Variants in MAGI2 observed in about 807,000 individuals in gnomAD.
The protein encoded by MAGI2 is membrane associated guanylate kinase, WW and PDZ domain containing 2.
A neutral mutation model predicts 133.3 loss-of-function variants in MAGI2; 35 were observed. That is an observed-to-expected ratio of 0.26 (90% confidence interval 0.20 to 0.35). MAGI2 has a LOEUF of 0.35. Ranked by LOEUF, MAGI2 falls within the 10% of genes least tolerant of loss-of-function variation. The pLI, the probability that MAGI2 is intolerant of heterozygous loss-of-function variation, is 1.00. For synonymous variants in MAGI2, 729 were observed against 710.6 expected (o/e 1.03, Z -0.41); for missense variants, 1,636 against 1,863.4 (o/e 0.88, Z 2.25).
chr7:78,844,913 T>A (rs1792461175), intron 2 of MAGI2, among the ~76,000 whole-genome samples: 1 of 151,964 alleles, frequency 6.6e-6, no homozygotes, highest in South Asian at 2.1e-4. Flanking sequence ...ATCATATTGA[T>A]GCCATCTCCA....
chr7:78,545,360 G>A (rs1043722787), intron 3 of MAGI2, among the ~76,000 whole-genome samples: 2 of 151,430 alleles, frequency 1.3e-5, no homozygotes, highest in East Asian at 1.9e-4. Context: ...TTACAGGCAC[G>A]CACCACCATG....
At chr7:79,389,902 T>C (rs1052873905) in intron 1 of MAGI2, among the ~76,000 whole-genome samples, 5 of 152,170 alleles carry the variant, frequency 3.3e-5, no homozygotes, top group African/African-American at 9.7e-5. Context: ...GGGAGACTCC[T>C]ATGCAAAACT....
intron 1 of MAGI2, among the ~76,000 whole-genome samples, chr7:79,011,352 A>G (rs1808068511): frequency 6.6e-6 from 1 of 152,126 alleles, no homozygotes; most frequent in Non-Finnish European, 1.5e-5. Flanking sequence ...TCCTTGGTAT[A>G]TTCCTTAAGG....
At chr7:78,578,018 C>T (rs1254495089) in intron 3 of MAGI2, among the ~76,000 whole-genome samples, 4 of 147,462 alleles carry the variant, frequency 2.7e-5, no homozygotes, top group Non-Finnish European at 5.9e-5. Context: ...AACCAGTTAT[C>T]ACTGTGAAAA....
At chr7:78,080,687 G>A (rs189582619) in intron 20 of MAGI2, among the ~76,000 whole-genome samples, 3 of 152,210 alleles carry the variant, frequency 2.0e-5, no homozygotes, top group East Asian at 1.9e-4. Context: ...ACTAAACATC[G>A]TCACCTCATT....
At chr7:78,999,527 T>A (rs1298767773) in intron 2 of MAGI2, among the ~76,000 whole-genome samples, 2 of 152,156 alleles carry the variant, frequency 1.3e-5, no homozygotes, top group East Asian at 3.9e-4. Flanking sequence ...AAAGAAGAAA[T>A]AAATCTATAA....
chr7:78,869,330 T>G (rs992816086), intron 2 of MAGI2, among the ~76,000 whole-genome samples: 7 of 152,222 alleles, frequency 4.6e-5, no homozygotes, highest in African/African-American at 1.7e-4. Flanking sequence ...TTATTAATGT[T>G]ATCTTCTAGA....
At chr7:78,330,996 A>G (rs1789133239) in intron 9 of MAGI2, among the ~76,000 whole-genome samples, 1 of 152,198 alleles carries the variant, frequency 6.6e-6, no homozygotes, top group African/African-American at 2.4e-5. Context: ...CACACACCAT[A>G]GAACACACAC....
At chr7:79,300,055 A>G (rs1837276600) in intron 1 of MAGI2, among the ~76,000 whole-genome samples, 1 of 152,086 alleles carries the variant, frequency 6.6e-6, no homozygotes, top group African/African-American at 2.4e-5. Context: ...TAAATAAATT[A>G]CCCAGTGTCA....
intron 2 of MAGI2, among the ~76,000 whole-genome samples, chr7:78,683,826 C>G (rs1032215087): frequency 6.6e-6 from 1 of 152,148 alleles, no homozygotes; most frequent in Admixed American, 6.5e-5. Context: ...ACGTTTCTGT[C>G]TCTTTGGTGG....
intron 2 of MAGI2, among the ~76,000 whole-genome samples, chr7:78,960,264 A>G (rs957292398): frequency 6.6e-6 from 1 of 152,162 alleles, no homozygotes; most frequent in African/African-American, 2.4e-5. Flanking sequence ...TTTATTTGCA[A>G]AAAAGTCACA....
Position 78,070,644 on chromosome 7 carries a change from A to T in MAGI2, c.3706+8303T>A, listed in dbSNP as rs1034287881. 8.5e-4 allele frequency among the ~76,000 whole-genome samples: 115 copies of T among 134,606 alleles called. 2 individuals are homozygous for T. Among genetic ancestry groups the T allele is most frequent in the Admixed American group, 1.5e-3 (20 of 13,452 alleles). 88.3% of individuals were successfully genotyped at this position (134,606 alleles called of 152,430 possible). On this transcript the variant is annotated intron_variant, in intron 21 of 21. Transcript: ENST00000354212. Reference sequence around the variant, plus strand: ...TGTGTGTGTGTGTATATATATATATATTTTTTTTTTTTTTTTAGACGGAGT... The same window carrying T: ...TGTGTGTGTGTGTATATATATATATTTTTTTTTTTTTTTTTTAGACGGAGT...
chr7:78,431,072 G>T (rs534668925), intron 6 of MAGI2, among the ~76,000 whole-genome samples: 30 of 146,056 alleles, frequency 2.1e-4, no homozygotes, highest in Admixed American at 2.0e-3. Context: ...CAGTGAGGTA[G>T]GCTGTGTGTG....
chr7:78,581,187 G>T (rs1189500894), intron 3 of MAGI2, among the ~76,000 whole-genome samples: 1 of 152,190 alleles, frequency 6.6e-6, no homozygotes, highest in Non-Finnish European at 1.5e-5. Context: ...AGGAAGAGCT[G>T]CAGGCCCAGG....
chr7:78,097,543 C>G (rs1817820380), intron 20 of MAGI2, among the ~76,000 whole-genome samples: 1 of 152,106 alleles, frequency 6.6e-6, no homozygotes, highest in Non-Finnish European at 1.5e-5. Flanking sequence ...GGCTATTATC[C>G]TTAGCAAACT....
At chr7:78,654,691 T>G (rs983184493) in intron 2 of MAGI2, among the ~76,000 whole-genome samples, 3 of 136,376 alleles carry the variant, frequency 2.2e-5, no homozygotes, top group Admixed American at 1.5e-4. Context: ...TTGTGTGTAC[T>G]TTTACATATA....
intron 2 of MAGI2, among the ~76,000 whole-genome samples, chr7:78,835,862 T>G (rs1160112098): frequency 1.3e-5 from 2 of 152,200 alleles, no homozygotes; most frequent in Non-Finnish European, 2.9e-5. Flanking sequence ...AGCATAGTTA[T>G]GTTTTCTCTC....
chr7:78,144,629 A>C (rs1386887262), intron 16 of MAGI2, among the ~76,000 whole-genome samples: 5 of 152,124 alleles, frequency 3.3e-5, no homozygotes, highest in Non-Finnish European at 5.9e-5. Context: ...AATTTAATTT[A>C]TTCCTCTGAA....
At chr7:79,225,046 A>T (rs1321066392) in intron 1 of MAGI2, among the ~76,000 whole-genome samples, 1 of 152,104 alleles carries the variant, frequency 6.6e-6, no homozygotes, top group African/African-American at 2.4e-5. Context: ...CTTTTTAAAC[A>T]ATCTCCTTCA....
Sources: allele counts gnomAD v4.1 joint callset (sites outside exome capture counted in the v4.1 genomes callset), GRCh38; gene constraint gnomAD v4.1.1; transcripts MANE v1.5; gene names NCBI Gene and HGNC (gene_info 2026-07-23, HGNC 2026-07-21).